Variants in SPECC1 observed in about 807,000 individuals in gnomAD.
SPECC1 encodes cytospin-B.
A neutral mutation model predicts 104.1 loss-of-function variants in SPECC1; 62 were observed. The observed-to-expected ratio is 0.60, with a 90% CI of 0.49 to 0.74. The LOEUF (loss-of-function observed/expected upper bound fraction) is 0.74, where lower values mean the gene tolerates loss of function less well. Ranked by LOEUF, SPECC1 falls within the 30% of genes least tolerant of loss-of-function variation. The pLI, the probability that SPECC1 is intolerant of heterozygous loss-of-function variation, is 0.00. For synonymous variants in SPECC1, 513 were observed against 501.6 expected (o/e 1.02, Z -0.30); for missense variants, 1,306 against 1,310.5 (o/e 1.00, Z 0.05).
intron 1 of SPECC1, among the ~76,000 whole-genome samples, chr17:20,088,692 G>C (rs2047278395): frequency 6.6e-6 from 1 of 152,210 alleles, no homozygotes; most frequent in Non-Finnish European, 1.5e-5. Context: ...TGCAGGGTAA[G>C]GGGTCAGCGT....
At chr17:20,215,158 C>T (rs1169988305) in intron 4 of SPECC1, among the ~76,000 whole-genome samples, 1 of 152,158 alleles carries the variant, frequency 6.6e-6, no homozygotes, top group Non-Finnish European at 1.5e-5. Context: ...TCTCTTTGCC[C>T]CTCCAGTACC....
intron 11 of SPECC1, among the ~76,000 whole-genome samples, chr17:20,257,934 C>A (rs2039892820): frequency 6.6e-6 from 1 of 152,166 alleles, no homozygotes; most frequent in South Asian, 2.1e-4. Context: ...GAATAGTGAT[C>A]AGGGAATGTG....
At chr17:20,206,229 G>A (rs1329904675) in intron 4 of SPECC1, among the ~76,000 whole-genome samples, 2 of 152,216 alleles carry the variant, frequency 1.3e-5, no homozygotes, top group African/African-American at 4.8e-5. Flanking sequence ...GGCATCTGGT[G>A]TAACGTGGGG....
intron 7 of SPECC1, chr17:20,236,824 C>T (rs1208613377): frequency 6.2e-7 from 1 of 1,613,700 alleles, no homozygotes; most frequent in South Asian, 1.1e-5. Flanking sequence ...TAGGTAACTC[C>T]TTTACAGCCT....
chr17:20,194,502 A>ATTATTTATTTATTTTTTTTTTT, intron 3 of SPECC1, among the ~76,000 whole-genome samples: 1 of 86,566 alleles, frequency 1.2e-5, no homozygotes, highest in African/African-American at 5.3e-5. Flanking sequence ...AAGAGAACGA[A>ATTATTTATTTATTTTTTTTTTT]TTTTTTTTTT....
At position 20,217,497 on chromosome 17, in the gene SPECC1, G is replaced by A. The variant is rs187999748; in HGVS notation, c.1864-9916G>A. ...AGCAGAGGCTTTGCTCAGGGTGCTC[G>A]ACCTCTAGGCTGCCTCGTTACATCC... On this transcript the variant is annotated intron_variant, in intron 4 of 14. Transcript: ENST00000395527. Among the ~76,000 whole-genome samples, 266 of 152,190 alleles carry A rather than the reference G, an allele frequency of 1.7e-3. 1 individual carries two copies. Among genetic ancestry groups the A allele is most frequent in the African/African-American group, 6.2e-3 (257 of 41,512 alleles).
chr17:20,184,406 A>T (rs1187008604), intron 3 of SPECC1, among the ~76,000 whole-genome samples: 1 of 152,204 alleles, frequency 6.6e-6, no homozygotes, highest in Non-Finnish European at 1.5e-5. Flanking sequence ...GGAAGAATAC[A>T]TTCTTTCCAG....
chr17:20,233,876 G>C (rs1425190668), intron 7 of SPECC1, among the ~76,000 whole-genome samples: 1 of 152,220 alleles, frequency 6.6e-6, no homozygotes, highest in Non-Finnish European at 1.5e-5. Flanking sequence ...ATCCGAGTCA[G>C]AACTTGTGTT....
intron 3 of SPECC1, chr17:20,155,868 TA>T: frequency 9.3e-7 from 1 of 1,072,682 alleles, no homozygotes; most frequent in Non-Finnish European, 1.1e-6. Context: ...AAGAAGGAAA[TA>T]CAGATGAGGT....
At chr17:20,155,054 A>G (rs1490565639) in intron 3 of SPECC1, among the ~76,000 whole-genome samples, 4 of 152,094 alleles carry the variant, frequency 2.6e-5, no homozygotes, top group Non-Finnish European at 5.9e-5. Flanking sequence ...CAGCCTGGAG[A>G]TATGTAGATG....
At chr17:20,286,605 C>T (rs1418678149) in intron 12 of SPECC1, among the ~76,000 whole-genome samples, 2 of 152,190 alleles carry the variant, frequency 1.3e-5, no homozygotes, top group Non-Finnish European at 2.9e-5. Context: ...TCTCAGCTTG[C>T]TCCCTGGGGT....
At chr17:20,225,237 G>C (rs902364571) in intron 4 of SPECC1, among the ~76,000 whole-genome samples, 1 of 152,188 alleles carries the variant, frequency 6.6e-6, no homozygotes, top group Non-Finnish European at 1.5e-5. Flanking sequence ...GTTGGGGGAA[G>C]AGTGGTGCAA....
At chr17:20,145,315 C>T (rs533157693) in intron 3 of SPECC1, among the ~76,000 whole-genome samples, 14 of 152,282 alleles carry the variant, frequency 9.2e-5, no homozygotes, top group East Asian at 1.9e-4. Context: ...CAGACCACAC[C>T]GGATTCGCTG....
rs1360018856 is a variant in SPECC1 at position 20,232,190 on chromosome 17, A to G, written c.2146-10A>G. 1 of 1,613,622 alleles carries G rather than the reference A, an allele frequency of 6.2e-7. No individual in the cohort carries two copies. Among genetic ancestry groups the G allele is most frequent in the Non-Finnish European group, 8.5e-7 (1 of 1,180,034 alleles). On this transcript the variant is annotated splice_polypyrimidine_tract_variant and intron_variant, in intron 6 of 14. Transcript: ENST00000395527. ...GCGTCTGACATAAGGATGGGCTCTG[A>G]CATTTTCAGGAGGAGACCGAGGAAT... is the stretch of plus-strand genomic sequence containing the variant.
intron 3 of SPECC1, among the ~76,000 whole-genome samples, chr17:20,183,569 C>T (rs1237645372): frequency 1.3e-5 from 2 of 152,128 alleles, no homozygotes; most frequent in South Asian, 2.1e-4. Flanking sequence ...CCACAGATAA[C>T]TCAAGTCCCT....
At chr17:20,267,858 A>G (rs969485973) in intron 12 of SPECC1, among the ~76,000 whole-genome samples, 2 of 152,228 alleles carry the variant, frequency 1.3e-5, no homozygotes, top group African/African-American at 4.8e-5. Context: ...CAGCCAGGCC[A>G]GGGACGCTCA....
chr17:20,201,909 A>C (rs2036459584), intron 3 of SPECC1, among the ~76,000 whole-genome samples: 2 of 152,350 alleles, frequency 1.3e-5, no homozygotes, highest in Admixed American at 1.3e-4. Flanking sequence ...GTTTGAAAAA[A>C]ATTCAGATGA....
chr17:20,179,971 T>C (rs2034755329), intron 3 of SPECC1, among the ~76,000 whole-genome samples: 1 of 152,186 alleles, frequency 6.6e-6, no homozygotes. Flanking sequence ...TGAACTAGGA[T>C]TGCAGGCATT....
At chr17:20,026,003 GTA>G in intron 1 of SPECC1, among the ~76,000 whole-genome samples, 1 of 152,084 alleles carries the variant, frequency 6.6e-6, no homozygotes, top group East Asian at 1.9e-4. Context: ...TTGGCCAATT[GTA>G]TATAGTCTTT....
Sources: allele counts gnomAD v4.1 joint callset (sites outside exome capture counted in the v4.1 genomes callset), GRCh38; gene constraint gnomAD v4.1.1; transcripts MANE v1.5; gene names NCBI Gene and HGNC (gene_info 2026-07-23, HGNC 2026-07-21).